The following CDH18 variants were observed in gnomAD, a reference collection of about 807,000 sequenced individuals.
CDH18 encodes cadherin 18.
Under a neutral mutation model 67.9 loss-of-function variants are expected in CDH18, and 31 were observed. The observed-to-expected ratio is 0.46, with a 90% confidence interval of 0.34 to 0.62. The LOEUF (loss-of-function observed/expected upper bound fraction) is 0.62, where lower values mean the gene tolerates loss of function less well. Among genes scored for constraint, CDH18 ranks in the 20% least tolerant of loss-of-function variants. The probability of loss-of-function intolerance (pLI) is 0.01; values close to 1 mark genes in which losing one functional copy is unlikely to be tolerated. For missense variants in CDH18, 890 were observed against 975.5 expected (o/e 0.91, Z 1.17); for synonymous variants, 362 against 347.2 (o/e 1.04, Z -0.48).
chr5:20,243,241 C>A (rs1743125616), intron 2 of CDH18, among the ~76,000 whole-genome samples: 1 of 152,130 alleles, frequency 6.6e-6, no homozygotes, highest in Non-Finnish European at 1.5e-5. Flanking sequence ...GGACATCTCA[C>A]TTTTGTTCAC....
chr5:19,615,264 C>T (rs193281993), intron 5 of CDH18, among the ~76,000 whole-genome samples: 338 of 152,214 alleles, frequency 2.2e-3, no homozygotes, highest in African/African-American at 7.9e-3. Flanking sequence ...GCCAAATTGC[C>T]ATAGCAACAT....
At chr5:20,408,431 T>G (rs923736302) in intron 1 of CDH18, among the ~76,000 whole-genome samples, 3 of 151,832 alleles carry the variant, frequency 2.0e-5, no homozygotes, top group Admixed American at 6.6e-5. Flanking sequence ...TAAAAAGAGA[T>G]AAAGTGTGAC....
intron 1 of CDH18, among the ~76,000 whole-genome samples, chr5:20,508,363 A>ATATG (rs1199862739): frequency 7.5e-6 from 1 of 133,244 alleles, no homozygotes; most frequent in South Asian, 2.3e-4. Flanking sequence ...ATATATATAT[A>ATATG]TATGTATATT....
At position 20,167,213 on chromosome 5, in the gene CDH18, A is replaced by G. The variant is rs538876138; in HGVS notation, c.-518+88231T>C. Among the ~76,000 whole-genome samples, 3 of 152,242 alleles carry G rather than the reference A, an allele frequency of 2.0e-5. No individual in the cohort carries two copies. The South Asian group carries it at 6.2e-4, about 32-fold the overall frequency. ...ACATCTAAACAGAGTTTAATGAGGG[A>G]GACACTGTATTTTTGCACTGAATTT... On this transcript the variant is annotated intron_variant, in intron 2 of 14. Transcript: ENST00000507958.
intron 2 of CDH18, among the ~76,000 whole-genome samples, chr5:19,918,553 G>T (rs1247927369): frequency 6.6e-6 from 1 of 152,120 alleles, no homozygotes; most frequent in Non-Finnish European, 1.5e-5. Flanking sequence ...TATTAATGCA[G>T]AAATCACATT....
chr5:19,762,179 T>C (rs369828183), intron 3 of CDH18, among the ~76,000 whole-genome samples: 2 of 152,140 alleles, frequency 1.3e-5, no homozygotes, highest in East Asian at 1.9e-4. Flanking sequence ...GACATAGGGA[T>C]GAGCAGGGAC....
intron 2 of CDH18, among the ~76,000 whole-genome samples, chr5:19,885,077 C>G (rs1788057783): frequency 6.6e-6 from 1 of 152,132 alleles, no homozygotes; most frequent in African/African-American, 2.4e-5. Flanking sequence ...CTTCCTTTTT[C>G]CACTGCCTTC....
At chr5:19,564,792 GAGA>G (rs1740064503) in intron 8 of CDH18, among the ~76,000 whole-genome samples, 1 of 152,138 alleles carries the variant, frequency 6.6e-6, no homozygotes, top group Admixed American at 6.5e-5. Flanking sequence ...GCTCAGAGGA[GAGA>G]AGTTCTAAAC....
At chr5:20,388,218 G>A (rs1744486559) in intron 1 of CDH18, among the ~76,000 whole-genome samples, 1 of 152,146 alleles carries the variant, frequency 6.6e-6, no homozygotes, top group African/African-American at 2.4e-5. Context: ...TGGTTGGTAA[G>A]CTATTAATTA....
At chr5:19,673,519 C>T (rs1399844968) in intron 5 of CDH18, among the ~76,000 whole-genome samples, 3 of 151,822 alleles carry the variant, frequency 2.0e-5, no homozygotes, top group African/African-American at 7.2e-5. Context: ...TAACGTAAAG[C>T]ATAAATTTGG....
chr5:20,072,970 A>ATTTT (rs941940461), intron 2 of CDH18, among the ~76,000 whole-genome samples: 3 of 152,102 alleles, frequency 2.0e-5, no homozygotes, highest in Admixed American at 6.5e-5. Flanking sequence ...TGATGTTTAC[A>ATTTT]TTTTGTTAAT....
chr5:20,233,437 G>T (rs1742230339), intron 2 of CDH18, among the ~76,000 whole-genome samples: 1 of 151,650 alleles, frequency 6.6e-6, no homozygotes, highest in Admixed American at 6.6e-5. Context: ...ATCTTAGCTA[G>T]ACTGATAGTC....
At chr5:20,485,968 A>T (rs900583605) in intron 1 of CDH18, among the ~76,000 whole-genome samples, 1 of 152,210 alleles carries the variant, frequency 6.6e-6, no homozygotes, top group African/African-American at 2.4e-5. Context: ...CCATGGGGTC[A>T]TGTGGGCTTC....
chr5:20,148,409 T>C (rs1750837971), intron 2 of CDH18, among the ~76,000 whole-genome samples: 1 of 152,182 alleles, frequency 6.6e-6, no homozygotes, highest in Non-Finnish European at 1.5e-5. Context: ...GTGTCTTTTT[T>C]AAATTAAAAT....
intron 2 of CDH18, among the ~76,000 whole-genome samples, chr5:19,993,365 AATGAATGTGGTGC>A (rs1800087629): frequency 6.6e-6 from 1 of 152,144 alleles, no homozygotes; most frequent in African/African-American, 2.4e-5. Flanking sequence ...AAAGCACCAC[AATGAATGTGGTGC>A]TATTACTATC....
intron 6 of CDH18, among the ~76,000 whole-genome samples, chr5:19,604,851 T>C (rs1195952956): frequency 1.3e-5 from 2 of 152,048 alleles, no homozygotes; most frequent in Non-Finnish European, 2.9e-5. Context: ...TAGAAAGTTT[T>C]TTTTTTCTCT....
chr5:20,466,829 A>G (rs1465480004), intron 1 of CDH18, among the ~76,000 whole-genome samples: 1 of 152,138 alleles, frequency 6.6e-6, no homozygotes, highest in African/African-American at 2.4e-5. Flanking sequence ...AACAAGGCTT[A>G]TCATTCTAGC....
At chr5:19,906,934 G>A (rs998319601) in intron 2 of CDH18, among the ~76,000 whole-genome samples, 35 of 151,810 alleles carry the variant, frequency 2.3e-4, no homozygotes, top group African/African-American at 8.0e-4. Flanking sequence ...AAAATGAAGC[G>A]ATGTATCATT....
At chr5:20,565,170 G>A (rs1561136376) in intron 1 of CDH18, among the ~76,000 whole-genome samples, 1 of 152,150 alleles carries the variant, frequency 6.6e-6, no homozygotes, top group Non-Finnish European at 1.5e-5. Flanking sequence ...CACCATCCCA[G>A]TTAATTAAGT....
Sources: gnomAD v4.1 joint callset for allele counts (sites outside exome capture counted in the v4.1 genomes callset) on GRCh38, gnomAD v4.1.1 for gene constraint, MANE v1.5 for transcripts, NCBI Gene and HGNC (gene_info 2026-07-23, HGNC 2026-07-21) for gene names.